The following FAM117B variants were observed in gnomAD, a reference collection of about 807,000 sequenced individuals.
FAM117B encodes the protein family with sequence similarity 117 member B, also known as protein FAM117B.
In FAM117B, 22 loss-of-function variants were observed where a neutral mutation model predicts 52.8. That is an observed-to-expected ratio of 0.42 (90% confidence interval 0.30 to 0.59). The LOEUF is 0.59. FAM117B is among the 20% of genes least tolerant of loss of function. FAM117B has a pLI of 0.22. For missense variants in FAM117B, 678 were observed against 802.6 expected (o/e 0.84, Z 1.88); for synonymous variants, 309 against 324.1 (o/e 0.95, Z 0.50).
chr2:202,765,669 A>C lies in FAM117B; in HGVS notation c.1675A>C (p.Thr559Pro), dbSNP rs368579423. 5.6e-6 allele frequency: 9 copies of C among 1,614,008 alleles called. No homozygotes were observed. The highest frequency in any genetic ancestry group is 1.3e-5 in the African/African-American group (1 of 74,884). ...PIAVASLSTN[T>P]EQDRVSRGTS... ...TGCTGTGGCCTCCCTGTCTACAAAC[A>C]CAGAGCAAGACCGAGTCTCTCGAGG... The change falls in exon 8 of 8, where the codon ACA (threonine) becomes CCA (proline). Residue 559 changes from threonine to proline, a missense_variant. Around this residue, in one of 3 missense-constraint regions of FAM117B, gnomAD observed 68 missense variants for 80.6 expected, o/e 0.84. Coordinates refer to ENST00000392238, the MANE Select transcript of FAM117B (RefSeq NM_173511.4).
At chr2:202,714,231 G>C (rs991219871) in intron 2 of FAM117B, among the ~76,000 whole-genome samples, 1 of 151,974 alleles carries the variant, frequency 6.6e-6, no homozygotes, top group Non-Finnish European at 1.5e-5. Flanking sequence ...ACCTAACATA[G>C]TCTGTCCTTG....
At chr2:202,728,887 G>C (rs1691297359) in intron 4 of FAM117B, among the ~76,000 whole-genome samples, 1 of 152,124 alleles carries the variant, frequency 6.6e-6, no homozygotes, top group Non-Finnish European at 1.5e-5. Flanking sequence ...CAAGAAAATA[G>C]AGAAACTTGA....
chr2:202,640,056 G>T (rs1689742137), intron 1 of FAM117B, among the ~76,000 whole-genome samples: 1 of 151,778 alleles, frequency 6.6e-6, no homozygotes, highest in South Asian at 2.1e-4. Flanking sequence ...GATGACCTGA[G>T]GTCAGGAGTT....
intron 1 of FAM117B, among the ~76,000 whole-genome samples, chr2:202,666,965 T>TA (rs1209530141): frequency 6.6e-6 from 1 of 151,208 alleles, no homozygotes; most frequent in Non-Finnish European, 1.5e-5. Context: ...ATTTCTATAA[T>TA]AAAAATGCAG....
chr2:202,687,133 A>G (rs75818583), intron 1 of FAM117B, among the ~76,000 whole-genome samples: 34 of 152,350 alleles, frequency 2.2e-4, no homozygotes, highest in African/African-American at 7.7e-4. Flanking sequence ...ATGAACTGTT[A>G]CATGCAACAA....
intron 1 of FAM117B, among the ~76,000 whole-genome samples, chr2:202,650,773 G>A (rs983798114): frequency 6.6e-5 from 10 of 152,124 alleles, no homozygotes; most frequent in East Asian, 1.9e-4. Context: ...CATCCAGCAC[G>A]GGAGAAAGAT....
At chr2:202,655,317 A>C (rs575586590) in intron 1 of FAM117B, among the ~76,000 whole-genome samples, 1 of 152,276 alleles carries the variant, frequency 6.6e-6, no homozygotes, top group East Asian at 1.9e-4. Context: ...GATTATGAAT[A>C]AAGGTGCTAT....
intron 2 of FAM117B, among the ~76,000 whole-genome samples, chr2:202,713,544 T>A (rs1277980418): frequency 6.6e-6 from 1 of 152,202 alleles, no homozygotes. Flanking sequence ...TCTATTATTT[T>A]TTCTGTTAAT....
chr2:202,740,863 C>CA (rs200805572), intron 4 of FAM117B, among the ~76,000 whole-genome samples: 5,150 of 149,504 alleles, frequency 0.034, 108 homozygotes, highest in Non-Finnish European at 0.049. Context: ...TACATTGATA[C>CA]AAAAAAAAAG....
At position 202,765,929 on chromosome 2, in the gene FAM117B, C is replaced by G; in HGVS notation, c.*165C>G. 1.4e-6 allele frequency: 1 copy of G among 709,040 alleles called. No individual in the cohort carries two copies. Among genetic ancestry groups the G allele is most frequent in the South Asian group, 1.9e-5 (1 of 51,590 alleles). 43.9% of individuals were successfully genotyped at this position (709,040 alleles called of 1,614,324 possible). A position where few individuals can be genotyped will look rare whatever the true frequency, so the allele number is the denominator to read the frequency against. ...AAAGGATCCCCCGTGACGGCTCTGC[C>G]CCACTTGTGAACGCCAACCCTCAGT... On this transcript the variant is annotated 3_prime_UTR_variant, in exon 8 of 8. Coordinates refer to ENST00000392238, the MANE Select transcript of FAM117B (RefSeq NM_173511.4).
chr2:202,668,527 CAAAAAA>C (rs373784165), intron 1 of FAM117B, among the ~76,000 whole-genome samples: 21 of 71,666 alleles, frequency 2.9e-4, no homozygotes, highest in Admixed American at 1.8e-3. Flanking sequence ...GACTCTCTCT[CAAAAAA>C]AAAAAAAAAA....
intron 1 of FAM117B, among the ~76,000 whole-genome samples, chr2:202,662,354 T>A (rs540923393): frequency 6.6e-6 from 1 of 151,312 alleles, no homozygotes; most frequent in East Asian, 1.9e-4. Flanking sequence ...AGGAGTAGAG[T>A]AGAATATTGA....
intron 1 of FAM117B, among the ~76,000 whole-genome samples, chr2:202,683,781 G>GT (rs1205482844): frequency 6.6e-6 from 1 of 152,066 alleles, no homozygotes; most frequent in Non-Finnish European, 1.5e-5. Flanking sequence ...AAATAGAAGA[G>GT]ATAATACCGT....
chr2:202,648,517 C>CT, intron 1 of FAM117B, among the ~76,000 whole-genome samples: 1 of 53,690 alleles, frequency 1.9e-5, no homozygotes, highest in Non-Finnish European at 3.3e-5. Context: ...ACTCTGTCCC[C>CT]ACCCCCCCCC....
At chr2:202,742,362 G>T (rs990514859) in intron 4 of FAM117B, among the ~76,000 whole-genome samples, 4 of 152,140 alleles carry the variant, frequency 2.6e-5, no homozygotes, top group African/African-American at 9.7e-5. Flanking sequence ...ACTGATCAGA[G>T]GAATGACTAG....
chr2:202,763,604 C>T (rs1691932202), intron 7 of FAM117B, among the ~76,000 whole-genome samples: 1 of 152,112 alleles, frequency 6.6e-6, no homozygotes, highest in Non-Finnish European at 1.5e-5. Flanking sequence ...ATCATGCTCT[C>T]AGATGATAAA....
At chr2:202,661,916 A>T (rs1690133838) in intron 1 of FAM117B, among the ~76,000 whole-genome samples, 2 of 143,434 alleles carry the variant, frequency 1.4e-5, no homozygotes, top group Non-Finnish European at 3.0e-5. Flanking sequence ...GCAAGATTCC[A>T]TCTAAAAAAA....
chr2:202,726,458 C>A (rs1441653211), intron 4 of FAM117B, 95 bp downstream of exon 4: 12 of 832,904 alleles, frequency 1.4e-5, no homozygotes, highest in Middle Eastern at 4.7e-4. Context: ...CAAAAATGCT[C>A]AAAAACATAT....
intron 1 of FAM117B, among the ~76,000 whole-genome samples, chr2:202,661,736 C>T (rs1188398668): frequency 1.3e-5 from 2 of 151,970 alleles, no homozygotes; most frequent in African/African-American, 4.8e-5. Flanking sequence ...GCCAACATGG[C>T]AAAACCCCGT....
Sources: allele counts gnomAD v4.1 joint callset (sites outside exome capture counted in the v4.1 genomes callset), GRCh38; gene constraint gnomAD v4.1.1; regional missense constraint gnomAD v4.1.1; transcripts MANE v1.5; gene names NCBI Gene and HGNC (gene_info 2026-07-23, HGNC 2026-07-21).